Variants in NEBL observed in about 807,000 individuals in gnomAD.
The protein encoded by NEBL is nebulette, also known as LIM and SH3 protein 2.
In NEBL, 122 loss-of-function variants were observed where a neutral mutation model predicts 140.2. The observed-to-expected ratio is 0.87, with a 90% CI of 0.75 to 1.01. The LOEUF (loss-of-function observed/expected upper bound fraction) is 1.01, where lower values mean the gene tolerates loss of function less well. NEBL is among the 50% of genes least tolerant of loss of function. NEBL has a pLI of 0.00. For synonymous variants in NEBL, 436 were observed against 398.9 expected (o/e 1.09, Z -1.11); for missense variants, 1,365 against 1,231.3 (o/e 1.11, Z -1.62).
At chr10:20,955,422 G>A (rs1039945786) in intron 4 of NEBL, among the ~76,000 whole-genome samples, 1 of 152,168 alleles carries the variant, frequency 6.6e-6, no homozygotes, top group Admixed American at 6.5e-5. Context: ...GGGATCAGGG[G>A]GCTGGGCTGT....
intron 4 of NEBL, 86 bp from the exon 5 acceptor site, chr10:20,880,990 T>C: frequency 5.1e-6 from 5 of 979,570 alleles, no homozygotes; most frequent in Non-Finnish European, 8.2e-6. Context: ...GGACTTTATA[T>C]ATTTGAATAC....
At chr10:21,252,140 A>G (rs765973076) in intron 1 of NEBL, among the ~76,000 whole-genome samples, 11 of 152,208 alleles carry the variant, frequency 7.2e-5, no homozygotes, top group African/African-American at 1.7e-4. Context: ...CCGGCTTTTG[A>G]AGTATTAAAG....
intron 4 of NEBL, among the ~76,000 whole-genome samples, chr10:20,950,454 T>C (rs1214674424): frequency 6.6e-6 from 1 of 152,210 alleles, no homozygotes; most frequent in East Asian, 1.9e-4. Context: ...TATATTCATC[T>C]CTTCCCTTCC....
chr10:20,874,159 C>A (rs1353754488), intron 5 of NEBL, among the ~76,000 whole-genome samples: 1 of 152,084 alleles, frequency 6.6e-6, no homozygotes, highest in Non-Finnish European at 1.5e-5. Flanking sequence ...TCTCTTTATT[C>A]TTTCTCATTT....
At chr10:21,203,102 T>C (rs1292481567) in intron 3 of NEBL, among the ~76,000 whole-genome samples, 4 of 152,232 alleles carry the variant, frequency 2.6e-5, no homozygotes, top group African/African-American at 9.6e-5. Flanking sequence ...CTCTTGGAGA[T>C]TCCTGAATCA....
intron 4 of NEBL, among the ~76,000 whole-genome samples, chr10:20,886,747 G>A (rs1174690843): frequency 6.6e-6 from 1 of 152,046 alleles, no homozygotes; most frequent in Non-Finnish European, 1.5e-5. Context: ...TCTAATCTGG[G>A]GACAGCTCAT....
intron 3 of NEBL, among the ~76,000 whole-genome samples, chr10:21,194,377 T>C (rs1841618459): frequency 6.6e-6 from 1 of 152,182 alleles, no homozygotes; most frequent in Non-Finnish European, 1.5e-5. Flanking sequence ...TAAGCATTGA[T>C]ACCAAAAGCA....
intron 4 of NEBL, among the ~76,000 whole-genome samples, chr10:20,947,681 T>TCACACA (rs5783757): frequency 0.031 from 4,504 of 144,244 alleles, 188 homozygotes; most frequent in African/African-American, 0.096. Context: ...TACTGAGAAA[T>TCACACA]CACACACACA....
At chr10:21,107,280 T>G (rs1837763534) in intron 2 of NEBL, among the ~76,000 whole-genome samples, 1 of 152,190 alleles carries the variant, frequency 6.6e-6, no homozygotes, top group Non-Finnish European at 1.5e-5. Flanking sequence ...AGGGTGCCCA[T>G]TCGCTATGAT....
chr10:21,020,019 G>T, intron 3 of NEBL: 1 of 1,068,894 alleles, frequency 9.4e-7, no homozygotes, highest in Non-Finnish European at 1.5e-6. Context: ...ACCGGCTGGT[G>T]ACCCAGCAGG....
At chr10:21,110,902 G>C (rs547694844) in intron 2 of NEBL, 6 of 571,494 alleles carry the variant, frequency 1.0e-5, no homozygotes, top group Non-Finnish European at 1.7e-5. Flanking sequence ...GAAAATGTCT[G>C]TACAAAATCA....
chr10:20,935,271 T>C (rs148351497), intron 4 of NEBL, among the ~76,000 whole-genome samples: 144 of 152,312 alleles, frequency 9.5e-4, no homozygotes, highest in African/African-American at 1.8e-3. Context: ...GATCACAACA[T>C]AGATTCATTT....
intron 19 of NEBL, 80 bp from the exon 20 acceptor site, chr10:20,819,596 T>C (rs2130828786): frequency 6.6e-7 from 1 of 1,510,150 alleles, no homozygotes. Flanking sequence ...TTTTTTTAAA[T>C]GTCACATGGC....
chr10:20,868,963 C>T (rs1320465195), intron 6 of NEBL, among the ~76,000 whole-genome samples, 198 bp from the exon 7 acceptor site: 1 of 152,044 alleles, frequency 6.6e-6, no homozygotes. Flanking sequence ...CAACTTTTTG[C>T]AGTAAAATAA....
At chr10:20,877,980 T>A (rs1369105026) in intron 5 of NEBL, among the ~76,000 whole-genome samples, 1 of 152,340 alleles carries the variant, frequency 6.6e-6, no homozygotes, top group African/African-American at 2.4e-5. Flanking sequence ...CTTAATTTTC[T>A]TGACATGAGA....
At chr10:21,143,466 A>T (rs1839743739) in intron 2 of NEBL, among the ~76,000 whole-genome samples, 1 of 151,444 alleles carries the variant, frequency 6.6e-6, no homozygotes, top group Non-Finnish European at 1.5e-5. Flanking sequence ...AAAAAAAAAA[A>T]AAAAATCAAA....
intron 1 of NEBL, among the ~76,000 whole-genome samples, chr10:21,265,126 T>C (rs1842784075): frequency 6.6e-6 from 1 of 152,038 alleles, no homozygotes; most frequent in Admixed American, 6.6e-5. Flanking sequence ...TTTTACCATG[T>C]TGGCCAGGCT....
At chr10:21,243,605 C>T (rs1289910745) in intron 3 of NEBL, among the ~76,000 whole-genome samples, 1 of 151,996 alleles carries the variant, frequency 6.6e-6, no homozygotes, top group African/African-American at 2.4e-5. Flanking sequence ...TGTATTGGCT[C>T]GTTATGACAC....
chr10:20,930,063 T>C (rs1043807612), intron 4 of NEBL, among the ~76,000 whole-genome samples: 1 of 152,144 alleles, frequency 6.6e-6, no homozygotes, highest in African/African-American at 2.4e-5. Flanking sequence ...CTCTCACATT[T>C]ATGCCTCTTC....
Sources: gnomAD v4.1 joint callset for allele counts (sites outside exome capture counted in the v4.1 genomes callset) on GRCh38, gnomAD v4.1.1 for gene constraint, MANE v1.5 for transcripts, NCBI Gene and HGNC (gene_info 2026-07-23, HGNC 2026-07-21) for gene names.